Variants in TECTA observed in about 807,000 individuals in gnomAD.
TECTA encodes alpha-tectorin.
Under a neutral mutation model 216.8 loss-of-function variants are expected in TECTA, and 128 were observed. The ratio of observed to expected loss-of-function variants is 0.59; its 90% CI spans 0.51 to 0.68. The LOEUF (loss-of-function observed/expected upper bound fraction) is 0.68. TECTA is among the 30% of genes least tolerant of loss of function. TECTA has a pLI of 0.00. For missense variants in TECTA, 2,551 were observed against 2,786.2 expected (o/e 0.92, Z 1.90); for synonymous variants, 1,089 against 1,117.1 (o/e 0.97, Z 0.50).
At chr11:121,151,325 T>G (rs1946887523) in intron 12 of TECTA, among the ~76,000 whole-genome samples, 2 of 152,138 alleles carry the variant, frequency 1.3e-5, no homozygotes, top group Non-Finnish European at 2.9e-5. Context: ...ATGCCCTTAC[T>G]CATGAGGGCA....
At chr11:121,146,683 G>T (rs1053059426) in intron 12 of TECTA, among the ~76,000 whole-genome samples, 10 of 152,138 alleles carry the variant, frequency 6.6e-5, no homozygotes, top group African/African-American at 2.4e-4. Context: ...TTTCCTCCCT[G>T]GTTCTCAGTT....
At chr11:121,145,481 G>A (rs1591452856) in intron 11 of TECTA, 74 bp from the exon 12 acceptor site, 1 of 1,513,640 alleles carries the variant, frequency 6.6e-7, no homozygotes, top group East Asian at 2.3e-5. Context: ...TCTTTCAAGA[G>A]ACTCATCGTT....
chr11:121,172,245 A>T (rs1947119776), intron 20 of TECTA, among the ~76,000 whole-genome samples: 2 of 151,980 alleles, frequency 1.3e-5, no homozygotes, highest in Non-Finnish European at 2.9e-5. Flanking sequence ...TGTGCAGGTT[A>T]GTTACATATG....
chr11:121,152,040 T>C (rs1048409204), intron 12 of TECTA, among the ~76,000 whole-genome samples: 5 of 152,376 alleles, frequency 3.3e-5, no homozygotes, highest in African/African-American at 1.2e-4. Context: ...TATTGGTATC[T>C]GTATTTATAG....
At chr11:121,181,997 A>G (rs1027818242) in intron 20 of TECTA, among the ~76,000 whole-genome samples, 2 of 152,236 alleles carry the variant, frequency 1.3e-5, no homozygotes, top group Admixed American at 6.5e-5. Flanking sequence ...CTTCAGCTGT[A>G]ATCAGCATCA....
At chr11:121,112,790 G>C (rs1284115905) in intron 4 of TECTA, among the ~76,000 whole-genome samples, 1 of 152,228 alleles carries the variant, frequency 6.6e-6, no homozygotes, top group Non-Finnish European at 1.5e-5. Flanking sequence ...CCGGGCCTCT[G>C]AATTTTCTGT....
chr11:121,176,477 G>T (rs555666459), intron 20 of TECTA, among the ~76,000 whole-genome samples: 1 of 118,540 alleles, frequency 8.4e-6, no homozygotes, highest in Admixed American at 7.8e-5. Context: ...GAAATTCTGG[G>T]TTGAAAATTC....
At chr11:121,110,967 G>C (rs1946436625) in intron 4 of TECTA, among the ~76,000 whole-genome samples, 1 of 152,130 alleles carries the variant, frequency 6.6e-6, no homozygotes, top group Non-Finnish European at 1.5e-5. Context: ...CCCCATCTTT[G>C]AAATTGGCCC....
rs2135096772 is a variant in TECTA, at chr11:121,138,034, T to C, written c.3543+12T>C. The C allele has an allele frequency of 6.2e-7, 1 of 1,613,546 alleles. No individual in the cohort carries two copies. The highest frequency in any genetic ancestry group is 8.5e-7 in the Non-Finnish European group (1 of 1,179,618). ...AGCACACTGTGCTGGTGAGTAGTCA[T>C]GAGGTCCCCTCAAAAGGGGAATCGT... On this transcript the variant is annotated intron_variant, in intron 11 of 23. Coordinates refer to ENST00000392793, the MANE Select transcript of TECTA (RefSeq NM_005422.4).
At chr11:121,189,258 G>C in intron 22 of TECTA, 91 bp downstream of exon 22, 1 of 1,327,886 alleles carries the variant, frequency 7.5e-7, no homozygotes, top group Non-Finnish European at 1.1e-6. Context: ...GGGTCCAGTG[G>C]ACAAGGAGGC....
At chr11:121,107,903 T>C (rs1212079691) in intron 3 of TECTA, among the ~76,000 whole-genome samples, 1 of 152,200 alleles carries the variant, frequency 6.6e-6, no homozygotes, top group African/African-American at 2.4e-5. Flanking sequence ...TATGCAGCGA[T>C]TGTACCAGGA....
chr11:121,154,843 G>A (rs2135117096), intron 13 of TECTA, among the ~76,000 whole-genome samples: 1 of 152,278 alleles, frequency 6.6e-6, no homozygotes, highest in South Asian at 2.1e-4. Flanking sequence ...TATTGTTATT[G>A]TTGTTTTGTT....
intron 20 of TECTA, among the ~76,000 whole-genome samples, chr11:121,183,988 T>C (rs1947256921): frequency 6.6e-6 from 1 of 152,032 alleles, no homozygotes; most frequent in African/African-American, 2.4e-5. Context: ...TTGGTCTCCC[T>C]GTGTTGTTCA....
At chr11:121,132,950 T>A (rs1591446896) in intron 10 of TECTA, among the ~76,000 whole-genome samples, 1 of 152,162 alleles carries the variant, frequency 6.6e-6, no homozygotes, top group African/African-American at 2.4e-5. Context: ...GCCAGGCTGG[T>A]CTTGAACTCC....
At chr11:121,190,318 G>A (rs1216820446) in intron 23 of TECTA, among the ~76,000 whole-genome samples, 1 of 152,132 alleles carries the variant, frequency 6.6e-6, no homozygotes, top group Non-Finnish European at 1.5e-5. Flanking sequence ...AGACTGGAGT[G>A]CAGTGGCATG....
In TECTA at chr11:121,168,790, C is replaced by T; in HGVS notation, c.5864C>T (p.Thr1955Ile). The T allele has an allele frequency of 6.2e-7, 1 of 1,614,178 alleles. No homozygotes were observed. The highest frequency in any genetic ancestry group is 8.5e-7 in the Non-Finnish European group (1 of 1,180,026). Residue 1955 changes from threonine to isoleucine, a missense_variant, in exon 20 of 24, where the codon ACT (threonine) becomes ATT (isoleucine). Physicochemically the swap from Thr to Ile is moderately conservative, Grantham distance 89. Coordinates refer to ENST00000392793, the MANE Select transcript of TECTA (RefSeq NM_005422.4). ...CGCCAGGGTGAAGTAGTGTTGACGACTCGAGATGTGCTGTATGTAGGGGTT... is the reference window on the plus strand; with the variant it reads ...CGCCAGGGTGAAGTAGTGTTGACGATTCGAGATGTGCTGTATGTAGGGGTT... ...PYRQGEVVLTTRDVLYVGVFV... is the reference protein window; with the variant it reads ...PYRQGEVVLTIRDVLYVGVFV...
At position 121,162,345 on chromosome 11, in the gene TECTA, C is replaced by T. The variant is rs377599437; in HGVS notation, c.5247C>T (p.Thr1749=). Residue 1749 remains threonine (T), a synonymous_variant, in exon 16 of 24, where the codon ACC becomes ACT. Transcript: ENST00000392793. ...EACRSFGILS[T]EWIEKENCSG... ...GCCGCTCCTTCGGGATCCTTAGCAC[C>T]GAGTGGATTGAGAAGGAGAATTGCT... 51 of 1,613,404 alleles carry T rather than the reference C, an allele frequency of 3.2e-5. No homozygotes were observed. The highest frequency in any genetic ancestry group is 3.6e-5 in the Non-Finnish European group (43 of 1,180,054).
chr11:121,123,987 A>G (rs1432325750), intron 7 of TECTA, among the ~76,000 whole-genome samples: 2 of 152,156 alleles, frequency 1.3e-5, no homozygotes, highest in African/African-American at 2.4e-5. Flanking sequence ...AGATAACCAC[A>G]TGGATTTCTT....
In TECTA at chr11:121,146,005, T is replaced by C; in HGVS notation, c.3994T>C (p.Cys1332Arg). Residue 1332 changes from cysteine (C) to arginine (R), a missense_variant, in exon 12 of 24, where the codon TGC becomes CGC. Physicochemically the swap from Cys to Arg is radical, Grantham distance 180. Transcript: ENST00000392793. ...CTATAAGAACTGCCTGTTTGACTCT[T>C]GCATCGATGGGGGCGCGGTGCAGAC... ...FFYKNCLFDS[C>R]IDGGAVQTAC... 1 of 1,614,208 alleles carries C rather than the reference T, an allele frequency of 6.2e-7. No homozygotes were observed. Among genetic ancestry groups the C allele is most frequent in the Non-Finnish European group, 8.5e-7 (1 of 1,180,042 alleles).
Sources: gnomAD v4.1 joint callset for allele counts (sites outside exome capture counted in the v4.1 genomes callset) on GRCh38, gnomAD v4.1.1 for gene constraint, MANE v1.5 for transcripts, NCBI Gene and HGNC (gene_info 2026-07-23, HGNC 2026-07-21) for gene names.